NOP14: variants seen among roughly 807,000 people sequenced by gnomAD.
NOP14 encodes the protein nucleolar protein 14.
A neutral mutation model predicts 101.6 loss-of-function variants in NOP14; 57 were observed. That is an observed-to-expected ratio of 0.56 (90% CI 0.45 to 0.70). NOP14 has a LOEUF of 0.70. NOP14 is among the 30% of genes least tolerant of loss of function. The pLI is 0.00. For synonymous variants in NOP14, 428 were observed against 424.0 expected (o/e 1.01, Z -0.12); for missense variants, 1,134 against 1,075.5 (o/e 1.05, Z -0.76).
intron 10 of NOP14, 121 bp from the exon 11 acceptor site, chr4:2,946,668 C>T: frequency 1.2e-6 from 1 of 820,868 alleles, no homozygotes; most frequent in Non-Finnish European, 1.9e-6. Context: ...CTGGATGAAT[C>T]CGCTTTTTCT....
At chr4:2,952,815 C>T (rs1390015182) in intron 5 of NOP14, among the ~76,000 whole-genome samples, 4 of 152,184 alleles carry the variant, frequency 2.6e-5, no homozygotes, top group South Asian at 2.1e-4. Flanking sequence ...TGGTGGCACG[C>T]GCCTGTAATC....
Position 2,945,175 on chromosome 4 carries a change from G to A in NOP14, c.1690C>T (p.Pro564Ser). The A allele has an allele frequency of 6.3e-7, 1 of 1,591,906 alleles. No homozygotes were observed. Among genetic ancestry groups the A allele is most frequent in the Non-Finnish European group, 8.6e-7 (1 of 1,168,912 alleles). ...CACACGAGGGCAGGGGTCACCACTG[G>A]GTGCCAGAAGTCGGAAGTTGGAAAT... ...LLFPTSDFWH[P>S]VVTPALVCLS... Residue 564 changes from proline (P) to serine (S), a missense_variant, in exon 12 of 18, where the codon CCA becomes TCA. Coordinates refer to ENST00000416614, the MANE Select transcript of NOP14 (RefSeq NM_001291978.2).
At chr4:2,959,323 T>C (rs1260779679) in intron 1 of NOP14, among the ~76,000 whole-genome samples, 1 of 152,236 alleles carries the variant, frequency 6.6e-6, no homozygotes, top group Non-Finnish European at 1.5e-5. Context: ...CCGGGCGCGG[T>C]GGCTCACGCC....
At chr4:2,943,935 G>A (rs956655887) in intron 13 of NOP14, 138 bp downstream of exon 13, 1 of 685,950 alleles carries the variant, frequency 1.5e-6, no homozygotes, top group East Asian at 2.8e-5. Flanking sequence ...CACACAGAGG[G>A]ACAGACAGTG....
chr4:2,946,622 T>A (rs1050485852), intron 10 of NOP14, 75 bp from the exon 11 acceptor site: 26 of 1,383,986 alleles, frequency 1.9e-5, no homozygotes, highest in Non-Finnish European at 2.6e-5. Context: ...CAAGCCACTT[T>A]CCTATGCAGT....
chr4:2,961,389 T>C (rs1174523424), intron 1 of NOP14: 2 of 144,530 alleles, frequency 1.4e-5, no homozygotes, highest in African/African-American at 5.2e-5. Flanking sequence ...TAAAGCAATG[T>C]CCTGAGACTG....
At chr4:2,951,987 A>G (rs565052747) in intron 6 of NOP14, among the ~76,000 whole-genome samples, 1 of 152,082 alleles carries the variant, frequency 6.6e-6, no homozygotes, top group South Asian at 2.1e-4. Flanking sequence ...GGCGCCTGTA[A>G]TCCTAGCTAC....
chr4:2,942,119 A>G (rs758020377), intron 14 of NOP14, 73 bp downstream of exon 14: 3 of 1,483,630 alleles, frequency 2.0e-6, no homozygotes, highest in Admixed American at 3.8e-5. Context: ...GCACATCAGA[A>G]AGCACGAGTG....
chr4:2,941,550 G>A (rs200485066), intron 15 of NOP14, 32 bp downstream of exon 15: 3 of 1,604,926 alleles, frequency 1.9e-6, no homozygotes, highest in Non-Finnish European at 2.5e-6. Context: ...TCTGAGCCCA[G>A]GCAGAGCACC....
chr4:2,939,733 C>CACTGTCCTCACGCTGCCTT, intron 15 of NOP14, 88 bp from the exon 16 acceptor site: 1 of 1,014,178 alleles, frequency 9.9e-7, no homozygotes, highest in Non-Finnish European at 1.6e-6. Flanking sequence ...GTCAAGGCAG[C>CACTGTCCTCACGCTGCCTT]GTGAGGACAG....
At chr4:2,946,639 T>G in intron 10 of NOP14, 92 bp from the exon 11 acceptor site, 2 of 1,161,548 alleles carry the variant, frequency 1.7e-6, no homozygotes, top group Non-Finnish European at 2.5e-6. Flanking sequence ...CAGTCACCTG[T>G]TGACTGAGCA....
intron 15 of NOP14, 123 bp from the exon 16 acceptor site, chr4:2,939,768 T>C (rs980661445): frequency 2.0e-5 from 16 of 787,286 alleles, no homozygotes; most frequent in Non-Finnish European, 3.6e-5. Context: ...TGCAGCAGGA[T>C]GGTGCCCTTG....
intron 9 of NOP14, 23 bp from the exon 10 acceptor site, chr4:2,947,634 A>C (rs773541572): frequency 1.9e-6 from 3 of 1,595,644 alleles, no homozygotes; most frequent in Non-Finnish European, 8.6e-7. Context: ...GAATTGGGAA[A>C]TAAAGCTCAG....
intron 8 of NOP14, among the ~76,000 whole-genome samples, chr4:2,949,590 G>A (rs1443703130): frequency 6.6e-6 from 1 of 152,158 alleles, no homozygotes; most frequent in South Asian, 2.1e-4. Context: ...GCCCAGGTGG[G>A]AACATGGAAG....
intron 11 of NOP14, among the ~76,000 whole-genome samples, chr4:2,946,171 TC>T (rs34123079): frequency 9.8e-6 from 1 of 102,240 alleles, no homozygotes; most frequent in African/African-American, 4.2e-5. Flanking sequence ...CCGTGCACTC[TC>T]CAGATCACCC....
At chr4:2,943,338 G>T (rs1577824219) in intron 13 of NOP14, among the ~76,000 whole-genome samples, 1 of 152,226 alleles carries the variant, frequency 6.6e-6, no homozygotes, top group East Asian at 1.9e-4. Context: ...TAGAGGACAG[G>T]GGTCTGAGCC....
At chr4:2,939,446 T>C in intron 16 of NOP14, 81 bp downstream of exon 16, 2 of 1,595,704 alleles carry the variant, frequency 1.3e-6, no homozygotes, top group African/African-American at 2.7e-5. Flanking sequence ...TCTGCTCAAC[T>C]GCAGAACTGG....
At chr4:2,945,013 G>C in intron 12 of NOP14, 115 bp downstream of exon 12, 1 of 690,184 alleles carries the variant, frequency 1.4e-6, no homozygotes. Context: ...CGCAGTGCTC[G>C]GTCTCTGCAG....
chr4:2,957,627 C>T lies in NOP14; in HGVS notation c.309G>A (p.Lys103=), dbSNP rs748539637. 7.2e-5 allele frequency: 117 copies of T among 1,614,066 alleles called. 1 individual carries two copies. In the South Asian group the frequency reaches 1.2e-3, roughly 17 times the overall value. ...SNMSPEEKMM[K]RFALEQQRHH... Reference sequence around the variant, plus strand: ...ATACCTGCTGTTCCAGAGCAAACCTCTTCATCATCTTCTCCTCGGGGCTCA... The same window carrying T: ...ATACCTGCTGTTCCAGAGCAAACCTTTTCATCATCTTCTCCTCGGGGCTCA... Residue 103 remains lysine, a synonymous_variant, in exon 2 of 18, where the codon AAG becomes AAA. Coordinates refer to ENST00000416614, the MANE Select transcript of NOP14 (RefSeq NM_001291978.2).
Sources: allele counts gnomAD v4.1 joint callset (sites outside exome capture counted in the v4.1 genomes callset), GRCh38; gene constraint gnomAD v4.1.1; transcripts MANE v1.5; gene names NCBI Gene and HGNC (gene_info 2026-07-23, HGNC 2026-07-21).